STX17: variants seen among roughly 807,000 people sequenced by gnomAD.
STX17 encodes the protein syntaxin 17, also known as syntaxin-17.
A neutral mutation model predicts 35.9 loss-of-function variants in STX17; 29 were observed. That is an observed-to-expected ratio of 0.81 (90% CI 0.60 to 1.10). The LOEUF (loss-of-function observed/expected upper bound fraction) is 1.10, where lower values mean the gene tolerates loss of function less well. Ranked by LOEUF, STX17 falls within the 50% of genes least tolerant of loss-of-function variation. STX17 has a pLI of 0.00. For missense variants in STX17, 312 were observed against 352.3 expected (o/e 0.89, Z 0.92); for synonymous variants, 92 against 118.3 (o/e 0.78, Z 1.44).
At chr9:99,937,617 T>C (rs1464551977) in intron 3 of STX17, among the ~76,000 whole-genome samples, 2 of 152,218 alleles carry the variant, frequency 1.3e-5, no homozygotes, top group Non-Finnish European at 2.9e-5. Flanking sequence ...TTATATCTTC[T>C]GTGTCTCTAA....
chr9:99,948,555 T>C (rs1205518936), intron 3 of STX17, among the ~76,000 whole-genome samples: 1 of 152,122 alleles, frequency 6.6e-6, no homozygotes, highest in Admixed American at 6.6e-5. Context: ...CTTTTTGAAC[T>C]TCTTGCTTTA....
intron 3 of STX17, 120 bp from the exon 4 acceptor site, chr9:99,950,940 A>C (rs1829578532): frequency 3.2e-6 from 3 of 948,290 alleles, no homozygotes; most frequent in Admixed American, 5.7e-5. Context: ...ATTATGCTAC[A>C]CCTTCTATTG....
intron 6 of STX17, among the ~76,000 whole-genome samples, chr9:99,965,671 A>C (rs906673632): frequency 6.6e-6 from 1 of 152,232 alleles, no homozygotes; most frequent in African/African-American, 2.4e-5. Flanking sequence ...GACTTAAATA[A>C]GTTTTGCTAT....
chr9:99,912,996 A>G (rs912877448), intron 1 of STX17, among the ~76,000 whole-genome samples: 5 of 152,234 alleles, frequency 3.3e-5, no homozygotes, highest in African/African-American at 1.2e-4. Context: ...ATTTTAAATG[A>G]TAATTTACCT....
At chr9:99,927,112 A>C (rs1243633498) in intron 2 of STX17, among the ~76,000 whole-genome samples, 4 of 152,182 alleles carry the variant, frequency 2.6e-5, no homozygotes, top group African/African-American at 9.7e-5. Context: ...CTCTCCTCTC[A>C]GTGCAACTAG....
intron 4 of STX17, among the ~76,000 whole-genome samples, chr9:99,955,402 G>T (rs1829687055): frequency 6.6e-6 from 1 of 151,886 alleles, no homozygotes; most frequent in Non-Finnish European, 1.5e-5. Flanking sequence ...GTCTTCATTT[G>T]CAGCTAAGTT....
chr9:99,951,030 G>T (rs1422885476), intron 3 of STX17, 30 bp from the exon 4 acceptor site: 2 of 1,550,706 alleles, frequency 1.3e-6, no homozygotes, highest in South Asian at 2.4e-5. Flanking sequence ...ACTAAGAAAT[G>T]GTGGCATTAA....
intron 3 of STX17, among the ~76,000 whole-genome samples, chr9:99,937,478 C>G (rs1023910629): frequency 1.3e-5 from 2 of 152,116 alleles, no homozygotes; most frequent in Non-Finnish European, 2.9e-5. Flanking sequence ...TGGATAGTGT[C>G]TATTGCCATG....
chr9:99,915,286 C>T lies in STX17; in HGVS notation c.47C>T (p.Ala16Val), dbSNP rs1828745820. 1 of 1,612,604 alleles carries T rather than the reference C, an allele frequency of 6.2e-7. No homozygotes were observed. The highest frequency in any genetic ancestry group is 1.3e-5 in the African/African-American group (1 of 74,838). Residue 16 changes from alanine (A) to valine (V), a missense_variant, in exon 2 of 8, where the codon GCT becomes GTT. Coordinates refer to ENST00000259400, the MANE Select transcript of STX17 (RefSeq NM_017919.3). ...GTGAAATTACGCCGTCTTGAACCAG[C>T]TATCCAGAAATTCATTAAGATAGTA... ...EKVKLRRLEP[A>V]IQKFIKIVIP...
chr9:99,953,927 T>C (rs1829656272), intron 4 of STX17: 1 of 152,004 alleles, frequency 6.6e-6, no homozygotes, highest in Non-Finnish European at 1.5e-5. Flanking sequence ...ATCAGAGAAA[T>C]TGGGTGATTA....
chr9:99,940,380 C>T (rs6478988), intron 3 of STX17, among the ~76,000 whole-genome samples: 64,154 of 151,660 alleles, frequency 0.42, 14,690 homozygotes, highest in East Asian at 0.7. Flanking sequence ...GATCCGCCCG[C>T]GTCGGCCTCC....
intron 3 of STX17, among the ~76,000 whole-genome samples, chr9:99,930,453 G>C (rs560610966): frequency 1.3e-4 from 20 of 152,006 alleles, no homozygotes; most frequent in African/African-American, 3.9e-4. Context: ...ATTTTTAGTA[G>C]AGATGGGGTT....
At chr9:99,943,967 G>GGAAGA (rs1490276663) in intron 3 of STX17, among the ~76,000 whole-genome samples, 1 of 152,004 alleles carries the variant, frequency 6.6e-6, no homozygotes, top group East Asian at 1.9e-4. Context: ...TGTGTGGCGA[G>GGAAGA]GAAGAGAGAC....
At chr9:99,938,891 G>A (rs1829294942) in intron 3 of STX17, among the ~76,000 whole-genome samples, 1 of 152,016 alleles carries the variant, frequency 6.6e-6, no homozygotes, top group Non-Finnish European at 1.5e-5. Flanking sequence ...TAATAGTGAT[G>A]ATGTAGAACT....
intron 4 of STX17, among the ~76,000 whole-genome samples, chr9:99,959,377 A>T (rs1829781941): frequency 6.6e-6 from 1 of 151,992 alleles, no homozygotes; most frequent in Non-Finnish European, 1.5e-5. Flanking sequence ...ACTGTGTGTC[A>T]ATTAAAAACA....
intron 2 of STX17, among the ~76,000 whole-genome samples, 174 bp downstream of exon 2, chr9:99,915,536 C>G (rs922943333): frequency 1.3e-5 from 2 of 152,134 alleles, no homozygotes; most frequent in African/African-American, 4.8e-5. Context: ...TGCATATATA[C>G]CTCTCATATA....
intron 4 of STX17, among the ~76,000 whole-genome samples, chr9:99,956,294 A>G (rs1430961295): frequency 6.6e-6 from 1 of 152,182 alleles, no homozygotes; most frequent in Non-Finnish European, 1.5e-5. Flanking sequence ...AAGTATTAAT[A>G]TATAATAATC....
chr9:99,958,834 T>C (rs554891195), intron 4 of STX17, among the ~76,000 whole-genome samples: 1 of 152,362 alleles, frequency 6.6e-6, no homozygotes, highest in Admixed American at 6.5e-5. Flanking sequence ...TTCATCATCA[T>C]AGCAGTGTTT....
intron 1 of STX17, chr9:99,907,471 T>C (rs1828574917): frequency 6.6e-6 from 1 of 152,128 alleles, no homozygotes; most frequent in Non-Finnish European, 1.5e-5. Context: ...AGTAACTTAC[T>C]GGGAAACATG....
Sources: gnomAD v4.1 joint callset for allele counts (sites outside exome capture counted in the v4.1 genomes callset) on GRCh38, gnomAD v4.1.1 for gene constraint, MANE v1.5 for transcripts, NCBI Gene and HGNC (gene_info 2026-07-23, HGNC 2026-07-21) for gene names.